HS6ST3: variants seen among roughly 807,000 people sequenced by gnomAD.
The protein encoded by HS6ST3 is heparan-sulfate 6-O-sulfotransferase 3.
HS6ST3 carries 12 observed loss-of-function variants against 36.7 expected under a neutral mutation model. The ratio of observed to expected loss-of-function variants is 0.33; its 90% CI spans 0.21 to 0.53. HS6ST3 has a LOEUF of 0.53. Among genes scored for constraint, HS6ST3 ranks in the 20% least tolerant of loss-of-function variants. The pLI, the probability that HS6ST3 is intolerant of heterozygous loss-of-function variation, is 0.95. For missense variants in HS6ST3, 584 were observed against 640.9 expected (o/e 0.91, Z 0.96); for synonymous variants, 240 against 257.5 (o/e 0.93, Z 0.65).
chr13:96,780,728 C>T (rs2138513760), intron 1 of HS6ST3, among the ~76,000 whole-genome samples: 1 of 152,256 alleles, frequency 6.6e-6, no homozygotes, highest in Middle Eastern at 3.4e-3. Context: ...GTTAAAGCCT[C>T]TGCCTCCTTC....
chr13:96,311,083 T>C (rs2054938801), intron 1 of HS6ST3, among the ~76,000 whole-genome samples: 2 of 152,186 alleles, frequency 1.3e-5, no homozygotes, highest in South Asian at 4.1e-4. Context: ...AGTACTCTAA[T>C]GAATGAATTT....
intron 1 of HS6ST3, among the ~76,000 whole-genome samples, chr13:96,197,711 A>G (rs1165431940): frequency 6.6e-6 from 1 of 152,160 alleles, no homozygotes; most frequent in Non-Finnish European, 1.5e-5. Context: ...AAATTGGCCA[A>G]AACAAAGGGG....
intron 1 of HS6ST3, among the ~76,000 whole-genome samples, chr13:96,413,536 T>A (rs1457667260): frequency 6.6e-6 from 1 of 152,188 alleles, no homozygotes; most frequent in Non-Finnish European, 1.5e-5. Context: ...GATTGAGAAT[T>A]TGTAGAGGAT....
chr13:96,763,221 A>G (rs1877011879), intron 1 of HS6ST3, among the ~76,000 whole-genome samples: 1 of 151,066 alleles, frequency 6.6e-6, no homozygotes. Flanking sequence ...ACATAAGTAT[A>G]TATATGAATA....
intron 1 of HS6ST3, among the ~76,000 whole-genome samples, chr13:96,299,921 C>G (rs774117754): frequency 3.5e-4 from 53 of 152,106 alleles, no homozygotes; most frequent in Admixed American, 7.2e-4. Flanking sequence ...ACTCACAGCT[C>G]CACAGACTAC....
intron 1 of HS6ST3, among the ~76,000 whole-genome samples, chr13:96,399,005 G>T (rs996971629): frequency 3.9e-5 from 6 of 152,170 alleles, no homozygotes; most frequent in African/African-American, 1.2e-4. Context: ...TTGAGACCCT[G>T]AGCACAGGAC....
intron 1 of HS6ST3, among the ~76,000 whole-genome samples, chr13:96,649,791 GT>G (rs149554874): frequency 0.019 from 2,919 of 152,080 alleles, 96 homozygotes; most frequent in African/African-American, 0.066. Context: ...GTCAGATAAT[GT>G]CACTCCCTGA....
intron 1 of HS6ST3, among the ~76,000 whole-genome samples, chr13:96,628,806 A>G (rs1221786673): frequency 1.3e-5 from 2 of 151,680 alleles, no homozygotes; most frequent in East Asian, 3.9e-4. Context: ...ACATCCTTAT[A>G]TGTTCAGAAT....
intron 1 of HS6ST3, among the ~76,000 whole-genome samples, chr13:96,471,026 A>C (rs1195419232): frequency 1.3e-5 from 2 of 152,224 alleles, no homozygotes; most frequent in Non-Finnish European, 1.5e-5. Context: ...CCTGATGCCT[A>C]GCCCATGTAT....
intron 1 of HS6ST3, among the ~76,000 whole-genome samples, chr13:96,323,425 C>T (rs2055014598): frequency 6.6e-6 from 1 of 152,226 alleles, no homozygotes; most frequent in Non-Finnish European, 1.5e-5. Context: ...GATGACTACT[C>T]TTTGCCACCT....
At chr13:96,465,958 AT>A (rs11321729) in intron 1 of HS6ST3, among the ~76,000 whole-genome samples, 125,093 of 151,780 alleles carry the variant, frequency 0.82, 53,300 homozygotes, top group Non-Finnish European at 0.95. Context: ...TCATTTTTTT[AT>A]TTGTGTGTGT....
In HS6ST3 at chr13:96,139,567, A is replaced by AAAAAAAAAAAAT. The variant is rs1491242538; in HGVS notation, c.707+47998_707+47999insAAAAAAAAAAAT. On this transcript the variant is annotated intron_variant, in intron 1 of 1. Transcript: ENST00000376705. ...AAAAAAAAAAAAAAAAAAAAAAAAA[A>AAAAAAAAAAAAT]TCCATGTATAAGTTAATTTGGTATA... 1.2e-3 allele frequency among the ~76,000 whole-genome samples: 172 copies of AAAAAAAAAAAAT among 138,720 alleles called. 3 individuals carry two copies. Among genetic ancestry groups the AAAAAAAAAAAAT allele is most frequent in the African/African-American group, 4.7e-3 (167 of 35,636 alleles). The allele number at this position is 138,720 out of a possible 152,430, so 91.0% of individuals were successfully genotyped here.
intron 1 of HS6ST3, among the ~76,000 whole-genome samples, chr13:96,432,026 G>T (rs1046260413): frequency 6.6e-6 from 1 of 152,032 alleles, no homozygotes; most frequent in Non-Finnish European, 1.5e-5. Context: ...ACGATTTCAG[G>T]TTCAAATCTC....
At chr13:96,819,826 G>A (rs1297581278) in intron 1 of HS6ST3, among the ~76,000 whole-genome samples, 5 of 152,080 alleles carry the variant, frequency 3.3e-5, no homozygotes, top group South Asian at 2.1e-4. Context: ...GGCTGAGGTC[G>A]GTGGATCACC....
At chr13:96,546,324 G>A (rs2056197560) in intron 1 of HS6ST3, among the ~76,000 whole-genome samples, 1 of 149,236 alleles carries the variant, frequency 6.7e-6, no homozygotes, top group Non-Finnish European at 1.5e-5. Context: ...GTGTGTGTGT[G>A]TGTGTGTTCA....
intron 1 of HS6ST3, among the ~76,000 whole-genome samples, chr13:96,427,764 A>G (rs1341189402): frequency 6.6e-6 from 1 of 152,132 alleles, no homozygotes; most frequent in Non-Finnish European, 1.5e-5. Flanking sequence ...CCAGGATCGA[A>G]TCCAGGATCC....
Position 96,528,863 on chromosome 13 carries a change from A to G in HS6ST3, c.708-303627A>G, listed in dbSNP as rs141227144. The stretch of plus-strand genomic sequence containing the variant: ...AAATGGATTAAATGCAGAAGCAGAT[A>G]GGGTAATCCAGCTTTCTTTTTTTAG... On this transcript the variant is annotated intron_variant, in intron 1 of 1. Coordinates refer to ENST00000376705, the MANE Select transcript of HS6ST3 (RefSeq NM_153456.4). Among the ~76,000 whole-genome samples the G allele has an allele frequency of 5.7e-3, 862 of 152,290 alleles. 8 individuals are homozygous for G. Among genetic ancestry groups the G allele is most frequent in the African/African-American group, 0.02 (812 of 41,578 alleles).
intron 1 of HS6ST3, among the ~76,000 whole-genome samples, chr13:96,557,661 A>G (rs142696968): frequency 1.6e-4 from 24 of 152,308 alleles, no homozygotes; most frequent in African/African-American, 5.8e-4. Context: ...GAACTGCTGC[A>G]TGGGGCTAGG....
At chr13:96,132,836 C>T (rs759636941) in intron 1 of HS6ST3, among the ~76,000 whole-genome samples, 3 of 152,166 alleles carry the variant, frequency 2.0e-5, no homozygotes, top group Non-Finnish European at 4.4e-5. Context: ...GAGGTAATAT[C>T]TCATTGTGGC....
Sources: allele counts gnomAD v4.1 joint callset (sites outside exome capture counted in the v4.1 genomes callset), GRCh38; gene constraint gnomAD v4.1.1; transcripts MANE v1.5; gene names NCBI Gene and HGNC (gene_info 2026-07-23, HGNC 2026-07-21).